The following CSMD3 variants were observed in gnomAD, a reference collection of about 807,000 sequenced individuals.
CSMD3 encodes the protein CUB and Sushi multiple domains 3, also known as CUB and sushi domain-containing protein 3.
Under a neutral mutation model 435.2 loss-of-function variants are expected in CSMD3, and 177 were observed. That is an observed-to-expected ratio of 0.41 (90% CI 0.36 to 0.46). The LOEUF (loss-of-function observed/expected upper bound fraction) is 0.46. Among genes scored for constraint, CSMD3 ranks in the 20% least tolerant of loss-of-function variants. The pLI is 0.34. For missense variants in CSMD3, 4,265 were observed against 4,504.6 expected (o/e 0.95, Z 1.52); for synonymous variants, 1,656 against 1,520.5 (o/e 1.09, Z -2.07).
chr8:113,376,216 A>T (rs2094381812), intron 1 of CSMD3, among the ~76,000 whole-genome samples: 2 of 152,124 alleles, frequency 1.3e-5, no homozygotes, highest in Non-Finnish European at 2.9e-5. Flanking sequence ...TAGGTTCCTG[A>T]AGTAGACAAA....
At chr8:112,978,087 T>C (rs916341115) in intron 6 of CSMD3, among the ~76,000 whole-genome samples, 28 of 152,000 alleles carry the variant, frequency 1.8e-4, no homozygotes, top group Admixed American at 1.3e-4. Flanking sequence ...GACAGGAATA[T>C]GAAATCAGAG....
chr8:113,224,935 A>T (rs1050820086), intron 3 of CSMD3, among the ~76,000 whole-genome samples: 1 of 151,420 alleles, frequency 6.6e-6, no homozygotes, highest in African/African-American at 2.4e-5. Context: ...CAATTACTAA[A>T]AATTTAGCTT....
At chr8:113,065,537 C>T (rs1240486612) in intron 5 of CSMD3, among the ~76,000 whole-genome samples, 1 of 152,084 alleles carries the variant, frequency 6.6e-6, no homozygotes, top group Non-Finnish European at 1.5e-5. Context: ...CAGGTGCCCA[C>T]CACCACGCCT....
intron 1 of CSMD3, among the ~76,000 whole-genome samples, chr8:113,411,175 G>A (rs2094558391): frequency 6.6e-6 from 1 of 151,902 alleles, no homozygotes. Flanking sequence ...ATCATTTTTT[G>A]TCAGGAAAAT....
chr8:113,034,269 T>C (rs1215683850), intron 5 of CSMD3, among the ~76,000 whole-genome samples: 2 of 151,280 alleles, frequency 1.3e-5, no homozygotes, highest in Non-Finnish European at 3.0e-5. Context: ...GCAAAATTAC[T>C]CTTACTAACC....
intron 45 of CSMD3, among the ~76,000 whole-genome samples, chr8:112,325,692 T>A (rs1483680296): frequency 6.6e-6 from 1 of 151,974 alleles, no homozygotes; most frequent in African/African-American, 2.4e-5. Flanking sequence ...TATGAATGAG[T>A]ATATACGTAT....
At chr8:113,309,652 G>A (rs1234555344) in intron 2 of CSMD3, 2 of 152,108 alleles carry the variant, frequency 1.3e-5, no homozygotes, top group Non-Finnish European at 2.9e-5. Context: ...ACTACACCAT[G>A]ACTATGACCT....
chr8:112,946,703 G>C (rs920580790), intron 9 of CSMD3, among the ~76,000 whole-genome samples: 1 of 151,654 alleles, frequency 6.6e-6, no homozygotes, highest in Non-Finnish European at 1.5e-5. Flanking sequence ...AGTCTGACTA[G>C]TCCCCAAATC....
intron 68 of CSMD3, among the ~76,000 whole-genome samples, chr8:112,233,863 T>C (rs148475033): frequency 2.5e-4 from 38 of 152,238 alleles, no homozygotes; most frequent in African/African-American, 8.4e-4. Flanking sequence ...CTCACATAAG[T>C]TCCTTTTCAT....
chr8:112,976,276 C>CA, intron 6 of CSMD3, 128 bp from the exon 7 acceptor site: 1 of 1,058,482 alleles, frequency 9.4e-7, no homozygotes, highest in East Asian at 2.6e-5. Flanking sequence ...AGGCAAAACA[C>CA]AAACACGCGA....
At chr8:113,305,986 C>T (rs982778488) in intron 2 of CSMD3, among the ~76,000 whole-genome samples, 3 of 152,136 alleles carry the variant, frequency 2.0e-5, no homozygotes, top group Non-Finnish European at 4.4e-5. Context: ...CTACACTCAG[C>T]TTCTGTTTCC....
At chr8:113,064,488 A>T (rs1257570112) in intron 5 of CSMD3, among the ~76,000 whole-genome samples, 1 of 152,160 alleles carries the variant, frequency 6.6e-6, no homozygotes, top group Non-Finnish European at 1.5e-5. Flanking sequence ...AGGACTTTTT[A>T]AATTAATTCA....
chr8:112,393,728 T>G (rs2129788408), intron 35 of CSMD3, among the ~76,000 whole-genome samples: 1 of 152,334 alleles, frequency 6.6e-6, no homozygotes, highest in Non-Finnish European at 1.5e-5. Flanking sequence ...ACCAGAATAT[T>G]AATGTTGTGA....
intron 2 of CSMD3, among the ~76,000 whole-genome samples, chr8:113,302,981 G>A (rs2093786017): frequency 1.0e-4 from 11 of 107,342 alleles, no homozygotes; most frequent in Non-Finnish European, 1.3e-4. Context: ...GTCCCTGTTT[G>A]CAGACGACAT....
chr8:112,567,719 G>C (rs1244927282), intron 24 of CSMD3, among the ~76,000 whole-genome samples: 1 of 152,034 alleles, frequency 6.6e-6, no homozygotes, highest in Non-Finnish European at 1.5e-5. Context: ...AACCTACTGG[G>C]TTTTGCTGAA....
At chr8:112,837,319 T>A (rs970905771) in intron 11 of CSMD3, among the ~76,000 whole-genome samples, 2 of 151,760 alleles carry the variant, frequency 1.3e-5, no homozygotes, top group African/African-American at 4.8e-5. Flanking sequence ...TAGCCTTTGA[T>A]GATGTTTAAC....
intron 13 of CSMD3, among the ~76,000 whole-genome samples, chr8:112,783,389 CGAAG>C (rs1202649906): frequency 2.1e-4 from 27 of 128,010 alleles, no homozygotes; most frequent in African/African-American, 6.1e-4. Flanking sequence ...AGCACATAAA[CGAAG>C]GAAGGAAGGA....
chr8:113,399,776 A>G (rs889437691), intron 1 of CSMD3, among the ~76,000 whole-genome samples: 2 of 151,938 alleles, frequency 1.3e-5, no homozygotes, highest in Admixed American at 1.3e-4. Flanking sequence ...ATACTCAGAT[A>G]CTGAATTGTG....
chr8:112,335,664 CAAGTATA>C (rs1394688552), intron 44 of CSMD3, among the ~76,000 whole-genome samples, 190 bp from the exon 45 acceptor site: 1 of 151,164 alleles, frequency 6.6e-6, no homozygotes, highest in Non-Finnish European at 1.5e-5. Flanking sequence ...TTTTAAATGT[CAAGTATA>C]AAAATAGATT....
Sources: gnomAD v4.1 joint callset for allele counts (sites outside exome capture counted in the v4.1 genomes callset) on GRCh38, gnomAD v4.1.1 for gene constraint, MANE v1.5 for transcripts, NCBI Gene and HGNC (gene_info 2026-07-23, HGNC 2026-07-21) for gene names.